EDIL3: variants seen among roughly 807,000 people sequenced by gnomAD.
EDIL3 encodes the protein EGF like and discoidin domains 3, also known as EGF-like repeat and discoidin I-like domain-containing protein 3.
EDIL3 carries 37 observed loss-of-function variants against 67.4 expected under a neutral mutation model. That is an observed-to-expected ratio of 0.55 (90% CI 0.42 to 0.72). The LOEUF (loss-of-function observed/expected upper bound fraction) is 0.72, where lower values mean the gene tolerates loss of function less well. EDIL3 is among the 30% of genes least tolerant of loss of function. EDIL3 has a pLI of 0.00. For synonymous variants in EDIL3, 195 were observed against 196.3 expected (o/e 0.99, Z 0.05); for missense variants, 527 against 586.3 (o/e 0.90, Z 1.04).
intron 4 of EDIL3, among the ~76,000 whole-genome samples, chr5:84,155,195 T>C (rs934547335): frequency 6.6e-6 from 1 of 152,196 alleles, no homozygotes; most frequent in African/African-American, 2.4e-5. Context: ...TAACATTATT[T>C]TGAGCCTTAA....
intron 3 of EDIL3, 141 bp downstream of exon 3, chr5:84,229,714 C>G (rs1031638519): frequency 1.2e-6 from 1 of 830,940 alleles, no homozygotes; most frequent in African/African-American, 1.7e-5. Context: ...GTGAGCTCAG[C>G]AAATATAAAA....
intron 10 of EDIL3, among the ~76,000 whole-genome samples, chr5:83,945,619 C>A (rs1210268313): frequency 6.6e-6 from 1 of 151,680 alleles, no homozygotes; most frequent in Non-Finnish European, 1.5e-5. Context: ...AACTATCAAC[C>A]CAGAAAGTAT....
chr5:84,072,724 T>A (rs1450712452), intron 6 of EDIL3, among the ~76,000 whole-genome samples: 1 of 152,084 alleles, frequency 6.6e-6, no homozygotes, highest in Non-Finnish European at 1.5e-5. Flanking sequence ...TATCTATAAA[T>A]AGGCATCTAA....
At chr5:84,001,050 T>C (rs1046428398) in intron 9 of EDIL3, among the ~76,000 whole-genome samples, 5 of 152,108 alleles carry the variant, frequency 3.3e-5, no homozygotes, top group Admixed American at 2.0e-4. Flanking sequence ...CACATTTTTA[T>C]TTTTATTTAT....
intron 9 of EDIL3, among the ~76,000 whole-genome samples, chr5:84,014,900 T>C (rs915914047): frequency 3.3e-5 from 5 of 152,214 alleles, no homozygotes; most frequent in African/African-American, 1.2e-4. Flanking sequence ...AACCATAGCA[T>C]GAATTGATAC....
At chr5:84,144,502 A>C (rs1269296608) in intron 4 of EDIL3, among the ~76,000 whole-genome samples, 2 of 152,100 alleles carry the variant, frequency 1.3e-5, no homozygotes, top group African/African-American at 4.8e-5. Context: ...CAAATATCAA[A>C]ACTAAATTGG....
intron 2 of EDIL3, among the ~76,000 whole-genome samples, chr5:84,238,303 A>G (rs559779166): frequency 6.6e-6 from 1 of 152,218 alleles, no homozygotes; most frequent in South Asian, 2.1e-4. Context: ...TAATTCAGAA[A>G]TTTTACAATG....
intron 1 of EDIL3, among the ~76,000 whole-genome samples, chr5:84,263,546 T>A (rs550546143): frequency 1.3e-5 from 2 of 152,316 alleles, no homozygotes; most frequent in East Asian, 3.9e-4. Flanking sequence ...AGAGTTGGCA[T>A]CCTACTCTGC....
intron 3 of EDIL3, among the ~76,000 whole-genome samples, chr5:84,191,697 A>G (rs1743589292): frequency 6.6e-6 from 1 of 152,066 alleles, no homozygotes; most frequent in Non-Finnish European, 1.5e-5. Context: ...AAACACAGAA[A>G]AGGTCACCAA....
At chr5:84,000,803 T>C (rs1745318071) in intron 9 of EDIL3, among the ~76,000 whole-genome samples, 1 of 151,802 alleles carries the variant, frequency 6.6e-6, no homozygotes, top group Non-Finnish European at 1.5e-5. Context: ...AACTAGAAAT[T>C]AATAATAAGA....
chr5:84,052,949 CA>C (rs1746370064), intron 9 of EDIL3, among the ~76,000 whole-genome samples: 1 of 152,120 alleles, frequency 6.6e-6, no homozygotes, highest in South Asian at 2.1e-4. Context: ...AGCTCTGCAC[CA>C]AGTGGACCTA....
At chr5:84,122,363 T>TTTA (rs1459280430) in intron 5 of EDIL3, among the ~76,000 whole-genome samples, 5 of 151,754 alleles carry the variant, frequency 3.3e-5, no homozygotes, top group Non-Finnish European at 5.9e-5. Context: ...AGAGTATCTT[T>TTTA]TTATTATTAT....
rs760753237 is a variant in EDIL3 at position 84,384,301 on chromosome 5, G to C, written c.67+7C>G. 1.2e-6 allele frequency: 2 copies of C among 1,607,674 alleles called. No individual in the cohort carries two copies. Among genetic ancestry groups the C allele is most frequent in the South Asian group, 1.1e-5 (1 of 90,134 alleles). On this transcript the variant is annotated splice_region_variant and intron_variant, in intron 1 of 10. Coordinates refer to ENST00000296591, the MANE Select transcript of EDIL3 (RefSeq NM_005711.5). ...CTCACCCAGCTGTCCGGGTCCCGAC[G>C]CCTTACCTTTGCCGAACTGGGGGAC...
intron 1 of EDIL3, among the ~76,000 whole-genome samples, chr5:84,341,139 C>T (rs1392691335): frequency 6.6e-6 from 1 of 152,008 alleles, no homozygotes; most frequent in East Asian, 1.9e-4. Context: ...CTGATGGATC[C>T]ATCAGGCTTT....
intron 5 of EDIL3, among the ~76,000 whole-genome samples, chr5:84,117,905 T>A (rs1747700521): frequency 6.6e-6 from 1 of 152,110 alleles, no homozygotes; most frequent in South Asian, 2.1e-4. Flanking sequence ...AATAACAGAA[T>A]TAATTTCATT....
intron 6 of EDIL3, among the ~76,000 whole-genome samples, chr5:84,074,683 C>A (rs62364222): frequency 2.0e-4 from 30 of 151,846 alleles, no homozygotes; most frequent in East Asian, 5.8e-4. Flanking sequence ...GGCAATCATT[C>A]AAAAGTCAGG....
At chr5:84,321,454 CA>C (rs1359859529) in intron 1 of EDIL3, among the ~76,000 whole-genome samples, 1 of 152,142 alleles carries the variant, frequency 6.6e-6, no homozygotes, top group Non-Finnish European at 1.5e-5. Context: ...ACTTAAACAA[CA>C]AATGCACTCT....
At chr5:84,321,837 C>T (rs1386239716) in intron 1 of EDIL3, among the ~76,000 whole-genome samples, 2 of 152,140 alleles carry the variant, frequency 1.3e-5, no homozygotes, top group African/African-American at 2.4e-5. Flanking sequence ...ACCACAACAT[C>T]ATCCATCCAT....
intron 6 of EDIL3, among the ~76,000 whole-genome samples, chr5:84,076,436 T>C (rs1312522353): frequency 6.6e-6 from 1 of 152,198 alleles, no homozygotes. Context: ...TTTGTATTCC[T>C]TGTGTTAAAA....
Sources: allele counts gnomAD v4.1 joint callset (sites outside exome capture counted in the v4.1 genomes callset), GRCh38; gene constraint gnomAD v4.1.1; transcripts MANE v1.5; gene names NCBI Gene and HGNC (gene_info 2026-07-23, HGNC 2026-07-21).